Variants in PPP2R5E observed in about 807,000 individuals in gnomAD.
The protein encoded by PPP2R5E is serine/threonine-protein phosphatase 2A 56 kDa regulatory subunit epsilon isoform.
In PPP2R5E, 4 loss-of-function variants were observed where a neutral mutation model predicts 65.3. That is an observed-to-expected ratio of 0.06 (90% CI 0.03 to 0.14). PPP2R5E has a LOEUF of 0.14. Among genes scored for constraint, PPP2R5E ranks in the 10% least tolerant of loss-of-function variants. The probability of loss-of-function intolerance (pLI) is 1.00; values close to 1 mark genes in which losing one functional copy is unlikely to be tolerated. For synonymous variants in PPP2R5E, 183 were observed against 187.4 expected, an observed-to-expected ratio of 0.98 and a Z score of 0.19; for missense variants, 274 against 556.1, an observed-to-expected ratio of 0.49 and a Z score of 5.10.
rs1566660727 is a variant in PPP2R5E at position 63,379,828 on chromosome 14, T to TCTCTCTC, written c.1304+2227_1304+2228insGAGAGAG. On this transcript the variant is annotated intron_variant, in intron 13 of 13. Transcript: ENST00000337537. Reference sequence around the variant, plus strand: ...AGTTGTTCTTCAATATTCTCTCTCTTTTTTTTTTTTTTTTTTTTTTTTTTG... The same window carrying TCTCTCTC: ...AGTTGTTCTTCAATATTCTCTCTCTTCTCTCTCTTTTTTTTTTTTTTTTTTTTTTTTG... Among the ~76,000 whole-genome samples the TCTCTCTC allele has an allele frequency of 1.2e-4, 9 of 72,614 alleles. No individual in the cohort carries two copies. The East Asian group carries it at 6.0e-3, about 48-fold the overall frequency. The allele number at this position is 72,614 out of a possible 152,430, so 47.6% of individuals were successfully genotyped here.
chr14:63,492,158 T>C (rs2139636787), intron 2 of PPP2R5E, among the ~76,000 whole-genome samples: 1 of 152,254 alleles, frequency 6.6e-6, no homozygotes, highest in Middle Eastern at 3.4e-3. Flanking sequence ...ATTACAGGTT[T>C]ATCTTAAAAG....
chr14:63,523,628 T>C (rs966481550), intron 2 of PPP2R5E, among the ~76,000 whole-genome samples: 6 of 151,846 alleles, frequency 4.0e-5, no homozygotes, highest in African/African-American at 1.5e-4. Context: ...CACTTGTTTA[T>C]CTGCTGACCT....
intron 2 of PPP2R5E, among the ~76,000 whole-genome samples, chr14:63,525,374 C>T (rs1273292062): frequency 6.6e-6 from 1 of 152,186 alleles, no homozygotes; most frequent in South Asian, 2.1e-4. Flanking sequence ...CCACACACTA[C>T]AGTCATGTAG....
chr14:63,430,409 A>ACATG (rs1173732798), intron 3 of PPP2R5E, among the ~76,000 whole-genome samples: 17 of 143,846 alleles, frequency 1.2e-4, no homozygotes, highest in African/African-American at 2.6e-4. Context: ...ATGCATACAT[A>ACATG]CATACATACA....
At position 63,506,648 on chromosome 14, in the gene PPP2R5E, G is replaced by A. The variant is rs375822635; in HGVS notation, c.157+32881C>T. On this transcript the variant is annotated intron_variant, in intron 2 of 13. Transcript: ENST00000337537. The stretch of plus-strand genomic sequence containing the variant: ...TCATCAAAAAGAGAGAAAATAATAC[G>A]TGTTGGCAAAGATGTAGAGAAATTA... 1.9e-4 allele frequency among the ~76,000 whole-genome samples: 29 copies of A among 152,066 alleles called. No homozygotes were observed. The East Asian group carries it at 3.3e-3, about 17-fold the overall frequency.
intron 2 of PPP2R5E, among the ~76,000 whole-genome samples, chr14:63,504,735 T>C (rs1892075663): frequency 6.6e-6 from 1 of 152,130 alleles, no homozygotes; most frequent in Non-Finnish European, 1.5e-5. Flanking sequence ...GCCTGTAGAA[T>C]GCAAGTGCCT....
At chr14:63,542,109 T>C (rs745327367) in intron 1 of PPP2R5E, among the ~76,000 whole-genome samples, 2 of 152,222 alleles carry the variant, frequency 1.3e-5, no homozygotes, top group Admixed American at 6.5e-5. Flanking sequence ...CTTTATTCCT[T>C]ATCTCTCATC....
intron 7 of PPP2R5E, 109 bp from the exon 8 acceptor site, chr14:63,394,037 C>G (rs1324518148): frequency 2.6e-6 from 1 of 384,242 alleles, no homozygotes; most frequent in Non-Finnish European, 5.1e-6. Context: ...TACAAAACAA[C>G]ATAATACCCA....
chr14:63,399,363 T>TTTC (rs1885603584), intron 5 of PPP2R5E, among the ~76,000 whole-genome samples: 3 of 129,762 alleles, frequency 2.3e-5, no homozygotes, highest in South Asian at 2.4e-4. Context: ...TCTGGATTTC[T>TTTC]TTCTTTTTTT....
intron 2 of PPP2R5E, among the ~76,000 whole-genome samples, chr14:63,459,182 A>C (rs549321362): frequency 6.6e-6 from 1 of 152,344 alleles, no homozygotes; most frequent in South Asian, 2.1e-4. Flanking sequence ...TAAATAAAAC[A>C]TTATTAAGCA....
chr14:63,396,460 G>A (rs1046821452), intron 6 of PPP2R5E, 126 bp downstream of exon 6: 5 of 1,280,378 alleles, frequency 3.9e-6, no homozygotes, highest in Non-Finnish European at 5.4e-6. Flanking sequence ...TCAGTAGAAT[G>A]AAGGAAGGCA....
At chr14:63,524,276 A>G (rs1013357859) in intron 2 of PPP2R5E, among the ~76,000 whole-genome samples, 2 of 152,224 alleles carry the variant, frequency 1.3e-5, no homozygotes, top group African/African-American at 2.4e-5. Flanking sequence ...TGCTTCTCTC[A>G]CAACACTGCA....
intron 5 of PPP2R5E, among the ~76,000 whole-genome samples, chr14:63,408,372 T>C (rs1033753599): frequency 2.6e-5 from 4 of 152,196 alleles, no homozygotes; most frequent in Admixed American, 6.5e-5. Context: ...CAATTTAACG[T>C]ATATGTGTAT....
chr14:63,460,611 A>G (rs1396070310), intron 2 of PPP2R5E, among the ~76,000 whole-genome samples: 3 of 152,204 alleles, frequency 2.0e-5, no homozygotes, highest in African/African-American at 7.2e-5. Flanking sequence ...AAGTTTAGGC[A>G]GGTAGGTTTA....
chr14:63,521,659 T>C (rs1299615895), intron 2 of PPP2R5E, among the ~76,000 whole-genome samples: 1 of 151,882 alleles, frequency 6.6e-6, no homozygotes, highest in Non-Finnish European at 1.5e-5. Context: ...CAAGACTCAG[T>C]CTCAAAAAAA....
intron 2 of PPP2R5E, among the ~76,000 whole-genome samples, chr14:63,484,298 C>T (rs554203025): frequency 5.9e-5 from 9 of 151,504 alleles, no homozygotes; most frequent in Non-Finnish European, 1.3e-4. Flanking sequence ...AAACTGAAGG[C>T]ATCAGAATGG....
chr14:63,517,197 G>C (rs1206422114), intron 2 of PPP2R5E, among the ~76,000 whole-genome samples: 1 of 151,946 alleles, frequency 6.6e-6, no homozygotes, highest in East Asian at 1.9e-4. Flanking sequence ...ATTATTACCA[G>C]CCTTGCTTAA....
intron 2 of PPP2R5E, among the ~76,000 whole-genome samples, chr14:63,514,680 T>C (rs1164753534): frequency 6.6e-6 from 1 of 152,104 alleles, no homozygotes; most frequent in Non-Finnish European, 1.5e-5. Context: ...GCAGCGAAGA[T>C]GAGAGGGGGC....
At chr14:63,385,014 G>A (rs1434429745) in intron 11 of PPP2R5E, among the ~76,000 whole-genome samples, 1 of 151,016 alleles carries the variant, frequency 6.6e-6, no homozygotes, top group African/African-American at 2.4e-5. Context: ...AATGTTTGTG[G>A]ATTTTTAATC....
Sources: allele counts gnomAD v4.1 joint callset (sites outside exome capture counted in the v4.1 genomes callset), GRCh38; gene constraint gnomAD v4.1.1; transcripts MANE v1.5; gene names NCBI Gene and HGNC (gene_info 2026-07-23, HGNC 2026-07-21).